RRAS2: variants seen among roughly 807,000 people sequenced by gnomAD.
RRAS2 encodes ras-related protein R-Ras2.
Under a neutral mutation model 27.6 loss-of-function variants are expected in RRAS2, and 7 were observed. The ratio of observed to expected loss-of-function variants is 0.25; its 90% CI spans 0.14 to 0.48. The LOEUF (loss-of-function observed/expected upper bound fraction) is 0.48, where lower values mean the gene tolerates loss of function less well. Ranked by LOEUF, RRAS2 falls within the 20% of genes least tolerant of loss-of-function variation. The probability of loss-of-function intolerance (pLI) is 0.99; values close to 1 mark genes in which losing one functional copy is unlikely to be tolerated. For missense variants in RRAS2, 178 were observed against 256.2 expected (o/e 0.69, Z 2.08); for synonymous variants, 86 against 90.9 (o/e 0.95, Z 0.31).
At chr11:14,302,109 C>CACACACACACAA (rs1415452446) in intron 1 of RRAS2, among the ~76,000 whole-genome samples, 2 of 138,908 alleles carry the variant, frequency 1.4e-5, no homozygotes, top group Admixed American at 7.4e-5. Flanking sequence ...CACACACACA[C>CACACACACACAA]ACCAAAAACC....
chr11:14,320,859 T>C (rs1554950185), intron 1 of RRAS2, among the ~76,000 whole-genome samples: 1 of 152,232 alleles, frequency 6.6e-6, no homozygotes, highest in Admixed American at 6.5e-5. Flanking sequence ...TTAATTTTTA[T>C]AGTAACTTAA....
chr11:14,280,916 C>T (rs1483457169), intron 5 of RRAS2, among the ~76,000 whole-genome samples: 5 of 152,058 alleles, frequency 3.3e-5, no homozygotes, highest in Admixed American at 1.3e-4. Flanking sequence ...AAACGTACCT[C>T]GTAATTCTAT....
At chr11:14,283,359 T>C (rs985141466) in intron 4 of RRAS2, among the ~76,000 whole-genome samples, 2 of 152,216 alleles carry the variant, frequency 1.3e-5, no homozygotes, top group South Asian at 2.1e-4. Flanking sequence ...ATGAGAGATA[T>C]TGGACTGTGG....
intron 1 of RRAS2, among the ~76,000 whole-genome samples, chr11:14,352,469 C>T (rs1349660093): frequency 6.6e-6 from 1 of 152,154 alleles, no homozygotes; most frequent in Non-Finnish European, 1.5e-5. Flanking sequence ...CTACCAACTA[C>T]AAGTTTAAGT....
intron 1 of RRAS2, among the ~76,000 whole-genome samples, chr11:14,352,188 T>C (rs146058752): frequency 1.3e-5 from 2 of 152,320 alleles, no homozygotes. Context: ...AATCATTGTA[T>C]AAGGTGACAG....
chr11:14,289,037 T>G (rs1849741497), intron 4 of RRAS2, among the ~76,000 whole-genome samples: 1 of 152,144 alleles, frequency 6.6e-6, no homozygotes, highest in African/African-American at 2.4e-5. Context: ...ACCCTCATAG[T>G]ACCTACACCT....
Position 14,359,125 on chromosome 11 carries a change from T to C in RRAS2, c.-255A>G. 9.6e-7 allele frequency: 1 copy of C among 1,040,242 alleles called. No homozygotes were observed. Among genetic ancestry groups the C allele is most frequent in the Non-Finnish European group, 1.2e-6 (1 of 866,672 alleles). 64.4% of individuals were successfully genotyped at this position (1,040,242 alleles called of 1,614,324 possible). ...GCAGCGGCCGGGGGGCGCGCTCCTC[T>C]ACGCGTCTCCGCAGCGCCTGCCGAA... On this transcript the variant is annotated 5_prime_UTR_variant, in exon 1 of 6. Coordinates refer to ENST00000256196, the MANE Select transcript of RRAS2 (RefSeq NM_012250.6).
At chr11:14,334,930 C>T (rs1554952395) in intron 1 of RRAS2, among the ~76,000 whole-genome samples, 1 of 152,182 alleles carries the variant, frequency 6.6e-6, no homozygotes, top group Non-Finnish European at 1.5e-5. Flanking sequence ...TCTTACCTTC[C>T]TTCTTTCTCC....
chr11:14,351,867 C>T (rs1296438130), intron 1 of RRAS2, among the ~76,000 whole-genome samples: 6 of 148,064 alleles, frequency 4.1e-5, no homozygotes, highest in African/African-American at 1.5e-4. Flanking sequence ...TGCACTCCAG[C>T]CTGGGTGACA....
intron 4 of RRAS2, among the ~76,000 whole-genome samples, chr11:14,291,008 G>A (rs149627895): frequency 1.4e-4 from 21 of 152,288 alleles, no homozygotes; most frequent in Middle Eastern, 6.8e-3. Context: ...TGGTGAGAAG[G>A]AACAGGATCC....
At chr11:14,293,132 T>TATATA (rs1847455936) in intron 4 of RRAS2, among the ~76,000 whole-genome samples, 1 of 67,900 alleles carries the variant, frequency 1.5e-5, no homozygotes, top group Non-Finnish European at 3.5e-5. Context: ...CAAATATATA[T>TATATA]ATATATATAT....
chr11:14,332,917 A>T (rs945681231), intron 1 of RRAS2, among the ~76,000 whole-genome samples: 1 of 152,194 alleles, frequency 6.6e-6, no homozygotes, highest in Non-Finnish European at 1.5e-5. Flanking sequence ...TTTAAATATC[A>T]TTTTATATCA....
chr11:14,324,180 A>G (rs782677481), intron 1 of RRAS2, among the ~76,000 whole-genome samples: 19 of 152,034 alleles, frequency 1.2e-4, no homozygotes, highest in Non-Finnish European at 2.8e-4. Flanking sequence ...CAATATACAT[A>G]ATAATTATTG....
At chr11:14,315,555 A>G (rs1287576547) in intron 1 of RRAS2, among the ~76,000 whole-genome samples, 1 of 152,234 alleles carries the variant, frequency 6.6e-6, no homozygotes, top group African/African-American at 2.4e-5. Context: ...TTAGGTAAAA[A>G]CTATGGAAAC....
chr11:14,353,948 A>G (rs549172607), intron 1 of RRAS2, among the ~76,000 whole-genome samples: 1 of 152,344 alleles, frequency 6.6e-6, no homozygotes, highest in Non-Finnish European at 1.5e-5. Flanking sequence ...ATTAATGTTA[A>G]AAAAGTTTAA....
chr11:14,283,828 G>C (rs1310935715), intron 4 of RRAS2, among the ~76,000 whole-genome samples: 2 of 151,982 alleles, frequency 1.3e-5, no homozygotes, highest in African/African-American at 2.4e-5. Flanking sequence ...CAATTTGACT[G>C]ATCTTCCAAA....
chr11:14,294,350 C>T lies in RRAS2; in HGVS notation c.408+121G>A, dbSNP rs1009176188. On this transcript the variant is annotated intron_variant, in intron 4 of 5. Transcript: ENST00000256196. ...AGTGTGCCAGACTCAGCTATAAACA[C>T]TTAAGTGGCATGGAGCACCGTATTT... 1.8e-5 allele frequency: 11 copies of T among 618,988 alleles called. No homozygotes were observed. In the Admixed American group the frequency reaches 2.6e-4, roughly 14 times the overall value. The allele number at this position is 618,988 out of a possible 1,614,324, so 38.3% of individuals were successfully genotyped here. A position where few individuals can be genotyped will look rare whatever the true frequency, so the allele number is the denominator to read the frequency against.
intron 4 of RRAS2, among the ~76,000 whole-genome samples, chr11:14,285,064 C>G (rs1849626799): frequency 2.6e-5 from 4 of 152,092 alleles, no homozygotes; most frequent in Admixed American, 2.6e-4. Flanking sequence ...ATTCTTTGTT[C>G]TAGTTGTCTT....
intron 1 of RRAS2, among the ~76,000 whole-genome samples, chr11:14,316,279 A>T (rs565186992): frequency 1.3e-5 from 2 of 152,360 alleles, no homozygotes; most frequent in East Asian, 3.9e-4. Flanking sequence ...CACATCTGCT[A>T]AAACCAATGC....
Sources: allele counts gnomAD v4.1 joint callset (sites outside exome capture counted in the v4.1 genomes callset), GRCh38; gene constraint gnomAD v4.1.1; transcripts MANE v1.5; gene names NCBI Gene and HGNC (gene_info 2026-07-23, HGNC 2026-07-21).